The following ASCC1 variants were observed in gnomAD, a reference collection of about 807,000 sequenced individuals.
ASCC1 encodes ASC-1 complex subunit P50.
A neutral mutation model predicts 46.6 loss-of-function variants in ASCC1; 35 were observed. That is an observed-to-expected ratio of 0.75 (90% CI 0.57 to 0.99). The LOEUF is 0.99. Ranked by LOEUF, ASCC1 falls within the 50% of genes least tolerant of loss-of-function variation. The probability of loss-of-function intolerance (pLI) is 0.00; values close to 1 mark genes in which losing one functional copy is unlikely to be tolerated. For synonymous variants in ASCC1, 143 were observed against 146.6 expected (o/e 0.98, Z 0.18); for missense variants, 376 against 428.7 (o/e 0.88, Z 1.09).
chr10:72,133,439 T>A, intron 7 of ASCC1: 2 of 455,710 alleles, frequency 4.4e-6, no homozygotes, highest in Non-Finnish European at 8.1e-6. Context: ...CAACTCTACA[T>A]GGAGAGGGCC....
intron 5 of ASCC1, among the ~76,000 whole-genome samples, chr10:72,177,541 A>T (rs1852006035): frequency 6.6e-6 from 1 of 152,236 alleles, no homozygotes. Context: ...TAGTTTCTGC[A>T]GCTATAACTG....
chr10:72,099,997 C>T (rs1214258495), intron 9 of ASCC1, among the ~76,000 whole-genome samples: 2 of 152,180 alleles, frequency 1.3e-5, no homozygotes, highest in East Asian at 3.9e-4. Flanking sequence ...TTTTAAATAT[C>T]TCTCTGCCAT....
chr10:72,160,939 CGG>C (rs1207545496), intron 6 of ASCC1, among the ~76,000 whole-genome samples: 1 of 151,584 alleles, frequency 6.6e-6, no homozygotes, highest in African/African-American at 2.4e-5. Context: ...AAAAATTAGC[CGG>C]ACGCGGTGGC....
At chr10:72,103,433 A>G (rs1842019553) in intron 9 of ASCC1, among the ~76,000 whole-genome samples, 1 of 152,076 alleles carries the variant, frequency 6.6e-6, no homozygotes, top group Admixed American at 6.5e-5. Flanking sequence ...CGCCCGGCCA[A>G]TAGATCCTAT....
Position 72,210,158 on chromosome 10 carries a change from C to CT in ASCC1, c.212+573dup, listed in dbSNP as rs766972971. Among the ~76,000 whole-genome samples the CT allele has an allele frequency of 9.5e-3, 1,248 of 131,730 alleles. 22 individuals are homozygous for CT. Among genetic ancestry groups the CT allele is most frequent in the South Asian group, 0.015 (61 of 4,144 alleles). The allele number at this position is 131,730 out of a possible 152,430, so 86.4% of individuals were successfully genotyped here. A position where few individuals can be genotyped will look rare whatever the true frequency, so the allele number is the denominator to read the frequency against. ...GTCATGAGCCAATGAAACCTCTTTT[C>CT]TTTTTTTTTTTTTTTTTTAAGACTA... On this transcript the variant is annotated intron_variant, in intron 3 of 9. Coordinates refer to ENST00000672957, the MANE Select transcript of ASCC1 (RefSeq NM_001198800.3).
At chr10:72,160,047 G>A (rs1252428113) in intron 6 of ASCC1, among the ~76,000 whole-genome samples, 2 of 151,950 alleles carry the variant, frequency 1.3e-5, no homozygotes, top group African/African-American at 4.8e-5. Flanking sequence ...TGGGACTACA[G>A]GTGCCTGCCA....
chr10:72,191,547 C>T (rs1854504846), intron 5 of ASCC1, among the ~76,000 whole-genome samples: 1 of 151,866 alleles, frequency 6.6e-6, no homozygotes, highest in Non-Finnish European at 1.5e-5. Flanking sequence ...CTAAATATTG[C>T]ATCTCGTACA....
chr10:72,137,596 T>G (rs1485282545), intron 7 of ASCC1, among the ~76,000 whole-genome samples: 2 of 147,938 alleles, frequency 1.4e-5, no homozygotes, highest in African/African-American at 2.5e-5. Flanking sequence ...CGGAAACCAA[T>G]TAAGAGAGAT....
chr10:72,201,577 T>C (rs995402917), intron 4 of ASCC1, among the ~76,000 whole-genome samples: 2 of 151,874 alleles, frequency 1.3e-5, no homozygotes, highest in African/African-American at 4.8e-5. Context: ...TCCCAGCTAC[T>C]TGGAAGGCCG....
At chr10:72,204,306 C>G in intron 3 of ASCC1, 1 of 1,169,020 alleles carries the variant, frequency 8.6e-7, no homozygotes, top group Non-Finnish European at 1.2e-6. Flanking sequence ...TATCTGAGGA[C>G]TCATGGCAAC....
chr10:72,132,968 G>A, intron 8 of ASCC1, 89 bp downstream of exon 8: 1 of 1,549,850 alleles, frequency 6.5e-7, no homozygotes, highest in Non-Finnish European at 8.9e-7. Flanking sequence ...CTATATCAGA[G>A]ATTCTTTGAT....
chr10:72,183,508 G>A (rs543084159), intron 5 of ASCC1, among the ~76,000 whole-genome samples: 1 of 152,134 alleles, frequency 6.6e-6, no homozygotes, highest in East Asian at 1.9e-4. Context: ...AATTAGCTGG[G>A]CATGATGGTA....
intron 2 of ASCC1, chr10:72,212,209 A>G: frequency 5.5e-6 from 1 of 182,574 alleles, no homozygotes; most frequent in South Asian, 7.5e-5. Flanking sequence ...GCTACTGGGG[A>G]AGATGAGGCA....
At chr10:72,215,191 G>T (rs1031190971) in intron 1 of ASCC1, among the ~76,000 whole-genome samples, 1 of 152,186 alleles carries the variant, frequency 6.6e-6, no homozygotes, top group Non-Finnish European at 1.5e-5. Flanking sequence ...CTGAGGCCAG[G>T]AGTTCGAGAC....
At chr10:72,141,052 GA>G in intron 7 of ASCC1, among the ~76,000 whole-genome samples, 1 of 149,790 alleles carries the variant, frequency 6.7e-6, no homozygotes, top group Non-Finnish European at 1.5e-5. Context: ...TAGATAGATA[GA>G]TAGATAGATA....
rs542454372 is a variant in ASCC1 at position 72,214,867 on chromosome 10, G to A, written c.-34+1340C>T. Reference sequence around the variant, plus strand: ...AATATGGTTCTCAGACCAACATACTGCTGAAGGGGGGAATCCAATTTCCAC... The same window carrying A: ...AATATGGTTCTCAGACCAACATACTACTGAAGGGGGGAATCCAATTTCCAC... On this transcript the variant is annotated intron_variant, in intron 1 of 9. Transcript: ENST00000672957. Among the ~76,000 whole-genome samples the A allele has an allele frequency of 2.4e-3, 364 of 152,270 alleles. 2 individuals carry two copies. Among genetic ancestry groups the A allele is most frequent in the Admixed American group, 4.8e-3 (74 of 15,286 alleles).
At chr10:72,154,971 A>G (rs903101829) in intron 6 of ASCC1, among the ~76,000 whole-genome samples, 3 of 152,220 alleles carry the variant, frequency 2.0e-5, no homozygotes, top group Non-Finnish European at 4.4e-5. Context: ...TATAAAAAAC[A>G]TTAAAAACTG....
chr10:72,141,042 T>C (rs113416840), intron 7 of ASCC1, among the ~76,000 whole-genome samples: 2 of 122,924 alleles, frequency 1.6e-5, no homozygotes, highest in African/African-American at 6.0e-5. Flanking sequence ...TGTTTATAGA[T>C]AGATAGATAG....
intron 9 of ASCC1, among the ~76,000 whole-genome samples, chr10:72,110,919 T>C (rs542339444): frequency 1.2e-4 from 19 of 152,226 alleles, no homozygotes; most frequent in Non-Finnish European, 1.9e-4. Context: ...GGCTGCCACA[T>C]GTTATCAACT....
Sources: gnomAD v4.1 joint callset for allele counts (sites outside exome capture counted in the v4.1 genomes callset) on GRCh38, gnomAD v4.1.1 for gene constraint, MANE v1.5 for transcripts, NCBI Gene and HGNC (gene_info 2026-07-23, HGNC 2026-07-21) for gene names.